The following ANKRD10 variants were observed in gnomAD, a reference collection of about 807,000 sequenced individuals.
ANKRD10 encodes the protein ankyrin repeat domain 10, also known as ankyrin repeat domain-containing protein 10.
ANKRD10 carries 14 observed loss-of-function variants against 27.0 expected under a neutral mutation model. That is an observed-to-expected ratio of 0.52 (90% CI 0.34 to 0.81). ANKRD10 has a LOEUF of 0.81. Ranked by LOEUF, ANKRD10 falls within the 40% of genes least tolerant of loss-of-function variation. The pLI is 0.01. For synonymous variants in ANKRD10, 250 were observed against 224.5 expected (o/e 1.11, Z -1.01); for missense variants, 493 against 544.0 (o/e 0.91, Z 0.93).
rs1254063500 is a variant in ANKRD10 at position 110,879,194 on chromosome 13, G to C, written c.*443C>G. ...TTTGTAAGGCTGTACCTTGCATAGG[G>C]AAATAGCTGTGTTCCGTCAAATTCT... On this transcript the variant is annotated 3_prime_UTR_variant, in exon 6 of 6. Coordinates refer to ENST00000267339, the MANE Select transcript of ANKRD10 (RefSeq NM_017664.4). 1.1e-5 allele frequency: 2 copies of C among 189,024 alleles called. No individual in the cohort carries two copies. The highest frequency in any genetic ancestry group is 1.1e-5 in the Non-Finnish European group (1 of 88,548). 11.7% of individuals were successfully genotyped at this position (189,024 alleles called of 1,614,324 possible). A position where few individuals can be genotyped will look rare whatever the true frequency, so the allele number is the denominator to read the frequency against.
chr13:110,887,682 C>G (rs548456905), intron 4 of ANKRD10, among the ~76,000 whole-genome samples: 1 of 152,300 alleles, frequency 6.6e-6, no homozygotes, highest in East Asian at 1.9e-4. Context: ...CAGAAACTGC[C>G]AAGTAGTTTC....
In ANKRD10 at chr13:110,915,056, C is replaced by G. The variant is rs369246902; in HGVS notation, c.-122G>C. 2.8e-5 allele frequency: 40 copies of G among 1,413,808 alleles called. No homozygotes were observed. The highest frequency in any genetic ancestry group is 5.8e-5 in the Admixed American group (2 of 34,584). 87.6% of individuals were successfully genotyped at this position (1,413,808 alleles called of 1,614,324 possible). ...GCCGCGGTCGCGTCCCACAGGCTGC[C>G]GAGCGGAGCGCGCACAGAGGGGGCG... On this transcript the variant is annotated 5_prime_UTR_variant, in exon 1 of 6. Transcript: ENST00000267339.
At chr13:110,903,917 A>C (rs530872990) in intron 3 of ANKRD10, 1 of 152,352 alleles carries the variant, frequency 6.6e-6, no homozygotes, top group East Asian at 1.9e-4. Context: ...ACTACACTTT[A>C]CCATATGAGC....
intron 3 of ANKRD10, among the ~76,000 whole-genome samples, chr13:110,898,832 C>T (rs188721731): frequency 1.1e-3 from 166 of 150,908 alleles, no homozygotes; most frequent in Admixed American, 3.0e-3. Flanking sequence ...CTCGGCTCAC[C>T]GCAACCTCTG....
chr13:110,910,537 G>T, intron 2 of ANKRD10, 81 bp downstream of exon 2: 4 of 1,522,090 alleles, frequency 2.6e-6, no homozygotes, highest in South Asian at 1.2e-5. Context: ...TTAAGGCCTC[G>T]ATTTAAAGCA....
chr13:110,887,852 C>G (rs1026544059), intron 4 of ANKRD10, among the ~76,000 whole-genome samples: 1 of 152,220 alleles, frequency 6.6e-6, no homozygotes, highest in Non-Finnish European at 1.5e-5. Flanking sequence ...GGCCTTTCCA[C>G]TGAACTGAGT....
chr13:110,905,538 T>C (rs1365340046), intron 3 of ANKRD10, among the ~76,000 whole-genome samples: 1 of 152,254 alleles, frequency 6.6e-6, no homozygotes, highest in East Asian at 1.9e-4. Flanking sequence ...TAAGTTACAA[T>C]GGGCTTTAAA....
intron 4 of ANKRD10, among the ~76,000 whole-genome samples, chr13:110,885,245 GAAA>G (rs1219549958): frequency 2.0e-5 from 3 of 150,732 alleles, no homozygotes; most frequent in Non-Finnish European, 4.4e-5. Flanking sequence ...GGCATCTTTT[GAAA>G]AAAAGAGAGA....
At chr13:110,902,990 A>G (rs755279682) in intron 3 of ANKRD10, among the ~76,000 whole-genome samples, 1 of 152,242 alleles carries the variant, frequency 6.6e-6, no homozygotes, top group Admixed American at 6.5e-5. Flanking sequence ...CAATGCTAGT[A>G]GTGAAAAGGT....
At chr13:110,914,596 C>G in intron 1 of ANKRD10, 129 bp downstream of exon 1, 1 of 1,371,548 alleles carries the variant, frequency 7.3e-7, no homozygotes, top group Non-Finnish European at 9.6e-7. Context: ...CCTCGGGGCA[C>G]AGGCGCCGTC....
At chr13:110,905,653 C>T (rs940890120) in intron 3 of ANKRD10, among the ~76,000 whole-genome samples, 3 of 152,156 alleles carry the variant, frequency 2.0e-5, no homozygotes, top group African/African-American at 7.2e-5. Flanking sequence ...ATATTTTAAT[C>T]CAATCCAAGC....
chr13:110,880,220 T>C (rs1485273588), intron 5 of ANKRD10, 108 bp from the exon 6 acceptor site: 6 of 1,007,668 alleles, frequency 6.0e-6, no homozygotes, highest in Non-Finnish European at 7.1e-6. Flanking sequence ...GTTTCTTTTT[T>C]TTCCTTTTAA....
intron 4 of ANKRD10, among the ~76,000 whole-genome samples, chr13:110,892,041 AT>A (rs1400220474): frequency 4.0e-5 from 6 of 151,160 alleles, no homozygotes; most frequent in African/African-American, 1.5e-4. Flanking sequence ...GATATAGATG[AT>A]TTTCCTATAG....
Position 110,914,890 on chromosome 13 carries a change from G to A in ANKRD10, c.45C>T (p.Ser15=), listed in dbSNP as rs1034228528. ...AACGGAGCGAGAGCAGCTCCTCGCT[G>A]GAGAAGCCCGCCTCTACGCCCGCGC... is the stretch of plus-strand genomic sequence containing the variant. ...GAGAGVEAGF[S]SEELLSLRFP... The change falls in exon 1 of 6, where the codon TCC becomes TCT. Residue 15 remains serine, a synonymous_variant. Coordinates refer to ENST00000267339, the MANE Select transcript of ANKRD10 (RefSeq NM_017664.4). 6.5e-7 allele frequency: 1 copy of A among 1,540,240 alleles called. No individual in the cohort carries two copies. Among genetic ancestry groups the A allele is most frequent in the Non-Finnish European group, 8.7e-7 (1 of 1,146,854 alleles).
chr13:110,913,812 A>G (rs1221769843), intron 1 of ANKRD10, among the ~76,000 whole-genome samples: 1 of 152,172 alleles, frequency 6.6e-6, no homozygotes, highest in Non-Finnish European at 1.5e-5. Context: ...ATTAATTAAA[A>G]CCAGTCACTT....
Position 110,878,600 on chromosome 13 carries a change from C to T in ANKRD10, c.*1037G>A, listed in dbSNP as rs1262870324. ...CAGTTTTAGAACAAAATGTTAGTAACACTCTTAGAACACTGGTTTGTTCAT... is the reference window on the plus strand; with the variant it reads ...CAGTTTTAGAACAAAATGTTAGTAATACTCTTAGAACACTGGTTTGTTCAT... On this transcript the variant is annotated 3_prime_UTR_variant, in exon 6 of 6. Transcript: ENST00000267339. The T allele has an allele frequency of 6.6e-6, 1 of 152,380 alleles. No homozygotes were observed. Among genetic ancestry groups the T allele is most frequent in the African/African-American group, 2.4e-5 (1 of 41,458 alleles). 9.4% of individuals were successfully genotyped at this position (152,380 alleles called of 1,614,324 possible).
chr13:110,911,433 C>A (rs2065704148), intron 1 of ANKRD10, among the ~76,000 whole-genome samples: 1 of 151,558 alleles, frequency 6.6e-6, no homozygotes. Context: ...ACCTGGGCAA[C>A]AGAGCAAGTC....
At chr13:110,913,496 G>T (rs2065782044) in intron 1 of ANKRD10, among the ~76,000 whole-genome samples, 1 of 152,168 alleles carries the variant, frequency 6.6e-6, no homozygotes, top group Non-Finnish European at 1.5e-5. Context: ...TGATTAACTT[G>T]CTTGTCCCAC....
Position 110,885,334 on chromosome 13 carries a change from C to T in ANKRD10, c.692-1541G>A, listed in dbSNP as rs148990608. On this transcript the variant is annotated intron_variant, in intron 4 of 5. Coordinates refer to ENST00000267339, the MANE Select transcript of ANKRD10 (RefSeq NM_017664.4). ...TTGGGAGGCCGAGGCGGGTGGATCACGAGGTCAAGAGATCGAGACCGTCCT... is the reference window on the plus strand; with the variant it reads ...TTGGGAGGCCGAGGCGGGTGGATCATGAGGTCAAGAGATCGAGACCGTCCT... 2.8e-4 allele frequency among the ~76,000 whole-genome samples: 42 copies of T among 152,068 alleles called. No homozygotes were observed. The East Asian group carries it at 5.4e-3, about 20-fold the overall frequency.
Sources: gnomAD v4.1 joint callset for allele counts (sites outside exome capture counted in the v4.1 genomes callset) on GRCh38, gnomAD v4.1.1 for gene constraint, MANE v1.5 for transcripts, NCBI Gene and HGNC (gene_info 2026-07-23, HGNC 2026-07-21) for gene names.